AXIN1: variants seen among roughly 807,000 people sequenced by gnomAD.
The protein encoded by AXIN1 is axin 1.
AXIN1 carries 30 observed loss-of-function variants against 76.4 expected under a neutral mutation model. The observed-to-expected ratio is 0.39, with a 90% confidence interval of 0.29 to 0.53. AXIN1 has a LOEUF of 0.53. AXIN1 is among the 20% of genes least tolerant of loss of function. The probability of loss-of-function intolerance (pLI) is 0.66; values close to 1 mark genes in which losing one functional copy is unlikely to be tolerated. For missense variants in AXIN1, 1,140 were observed against 1,198.8 expected, an observed-to-expected ratio of 0.95 and a Z score of 0.72; for synonymous variants, 545 against 501.4, an observed-to-expected ratio of 1.09 and a Z score of -1.16.
intron 2 of AXIN1, among the ~76,000 whole-genome samples, chr16:320,102 A>G (rs2053405327): frequency 6.6e-6 from 1 of 151,880 alleles, no homozygotes; most frequent in Non-Finnish European, 1.5e-5. Context: ...CCCCCCACAC[A>G]CTCACAAGCA....
intron 5 of AXIN1, 61 bp from the exon 6 acceptor site, chr16:298,312 A>G (rs1197465729): frequency 1.3e-6 from 2 of 1,535,208 alleles, no homozygotes; most frequent in Non-Finnish European, 1.7e-6. Context: ...GGGGAAAACA[A>G]AAAGCATCAG....
chr16:308,931 A>G (rs2053099113), intron 4 of AXIN1, among the ~76,000 whole-genome samples: 1 of 152,326 alleles, frequency 6.6e-6, no homozygotes, highest in South Asian at 2.1e-4. Context: ...TGTCTGCAGA[A>G]AAGCTAAAAG....
intron 2 of AXIN1, among the ~76,000 whole-genome samples, chr16:320,743 A>ATATATATATTTT (rs397722732): frequency 1.9e-4 from 20 of 107,618 alleles, no homozygotes; most frequent in African/African-American, 9.2e-4. Flanking sequence ...ATATATATAT[A>ATATATATATTTT]TTTTTTTTTT....
chr16:288,352 C>T (rs767888336), intron 10 of AXIN1, 104 bp from the exon 11 acceptor site: 4 of 1,548,694 alleles, frequency 2.6e-6, no homozygotes, highest in East Asian at 2.3e-5. Flanking sequence ...GAGGAGCCTC[C>T]TGTCCATGCC....
chr16:314,870 C>T (rs182433750), intron 2 of AXIN1, among the ~76,000 whole-genome samples, 187 bp from the exon 3 acceptor site: 16 of 152,344 alleles, frequency 1.1e-4, no homozygotes, highest in East Asian at 5.8e-4. Flanking sequence ...TCCTTTTCAA[C>T]GGGGTGCATT....
intron 9 of AXIN1, chr16:290,865 G>A (rs1454164841): frequency 2.2e-6 from 1 of 448,378 alleles, no homozygotes; most frequent in Non-Finnish European, 4.2e-6. Flanking sequence ...TTCCAAGCCG[G>A]GTGGAGGCGC....
chr16:317,616 C>T (rs2053333791), intron 2 of AXIN1, among the ~76,000 whole-genome samples: 1 of 152,178 alleles, frequency 6.6e-6, no homozygotes, highest in African/African-American at 2.4e-5. Flanking sequence ...CTGGAAACAC[C>T]GACCACCGGT....
chr16:342,416 A>G (rs1045846155), intron 2 of AXIN1, among the ~76,000 whole-genome samples: 1 of 152,194 alleles, frequency 6.6e-6, no homozygotes, highest in African/African-American at 2.4e-5. Context: ...GGCTCTCCAC[A>G]GGATATGCAT....
At chr16:336,706 A>AC (rs1338883979) in intron 2 of AXIN1, among the ~76,000 whole-genome samples, 5 of 151,346 alleles carry the variant, frequency 3.3e-5, no homozygotes, top group African/African-American at 9.7e-5. Context: ...AATCCCAGCT[A>AC]CTCAGGAAGC....
chr16:291,956 G>C (rs552514456), intron 8 of AXIN1: 1 of 156,116 alleles, frequency 6.4e-6, no homozygotes, highest in African/African-American at 2.4e-5. Context: ...GTTTCCCCAT[G>C]GGGGGATGCT....
Position 346,788 on chromosome 16 carries a change from G to A in AXIN1, c.238C>T (p.Pro80Ser), listed in dbSNP as rs763742709. The A allele has an allele frequency of 2.5e-6, 4 of 1,612,082 alleles. No homozygotes were observed. In the South Asian group the frequency reaches 4.4e-5, roughly 18 times the overall value. ...YEPEGSASPT[P>S]PYLKWAESLH... ...GACTCAGCCCACTTCAAGTATGGTG[G>A]GGTGGGGGAGGCACTGCCCTCAGGC... Residue 80 changes from proline to serine, a missense_variant, in exon 2 of 11, where the codon CCA (proline) becomes TCA (serine). Pro to Ser is a moderately conservative substitution (Grantham distance 74, BLOSUM62 -1). Coordinates refer to ENST00000262320, the MANE Select transcript of AXIN1 (RefSeq NM_003502.4).
At chr16:310,393 A>G (rs935939106) in intron 3 of AXIN1, among the ~76,000 whole-genome samples, 7 of 150,774 alleles carry the variant, frequency 4.6e-5, no homozygotes, top group Non-Finnish European at 1.0e-4. Flanking sequence ...TGGTTTCTAC[A>G]TTTTTTTTTC....
At chr16:343,742 A>G (rs2053974886) in intron 2 of AXIN1, among the ~76,000 whole-genome samples, 1 of 150,790 alleles carries the variant, frequency 6.6e-6, no homozygotes, top group African/African-American at 2.4e-5. Flanking sequence ...AGCCAGGTGC[A>G]GTGGCTCCCA....
intron 3 of AXIN1, among the ~76,000 whole-genome samples, chr16:311,527 T>C (rs1178559357): frequency 2.0e-5 from 3 of 150,822 alleles, no homozygotes; most frequent in Admixed American, 1.3e-4. Context: ...ATCCCAGCAC[T>C]GTGGGAGGCC....
intron 2 of AXIN1, among the ~76,000 whole-genome samples, chr16:334,549 T>A (rs113704303): frequency 2.2e-3 from 295 of 136,578 alleles, no homozygotes; most frequent in Middle Eastern, 7.6e-3. Flanking sequence ...AGCATGCCAA[T>A]AACACAGCAC....
chr16:312,377 A>T (rs902188701), intron 3 of AXIN1, among the ~76,000 whole-genome samples: 1 of 152,260 alleles, frequency 6.6e-6, no homozygotes, highest in African/African-American at 2.4e-5. Context: ...AAGAAAAAAA[A>T]TACCTATTTA....
intron 2 of AXIN1, among the ~76,000 whole-genome samples, chr16:341,413 G>A (rs1257997238): frequency 4.6e-5 from 7 of 152,256 alleles, no homozygotes; most frequent in South Asian, 2.1e-4. Flanking sequence ...CCGGGCCAGC[G>A]GCTGCGGAGG....
intron 5 of AXIN1, among the ~76,000 whole-genome samples, chr16:299,998 T>C (rs369400800): frequency 3.3e-5 from 5 of 150,888 alleles, no homozygotes; most frequent in African/African-American, 1.2e-4. Flanking sequence ...AGTTTCACTC[T>C]TGTGTCCCAG....
chr16:305,236 G>A (rs2052987048), intron 4 of AXIN1, among the ~76,000 whole-genome samples: 1 of 152,234 alleles, frequency 6.6e-6, no homozygotes, highest in African/African-American at 2.4e-5. Flanking sequence ...GGGAAGCAGA[G>A]GCGAGCAGAT....
Sources: gnomAD v4.1 joint callset for allele counts (sites outside exome capture counted in the v4.1 genomes callset) on GRCh38, gnomAD v4.1.1 for gene constraint, MANE v1.5 for transcripts, NCBI Gene and HGNC (gene_info 2026-07-23, HGNC 2026-07-21) for gene names.